Variants in BAZ2B observed in about 807,000 individuals in gnomAD.
The protein encoded by BAZ2B is bromodomain adjacent to zinc finger domain protein 2B.
BAZ2B carries 91 observed loss-of-function variants against 246.0 expected under a neutral mutation model. The ratio of observed to expected loss-of-function variants is 0.37; its 90% confidence interval spans 0.31 to 0.44. BAZ2B has a LOEUF of 0.44. BAZ2B is among the 20% of genes least tolerant of loss of function. The pLI is 1.00. For synonymous variants in BAZ2B, 855 were observed against 860.0 expected (o/e 0.99, Z 0.10); for missense variants, 2,332 against 2,533.7 (o/e 0.92, Z 1.71).
At chr2:159,470,691 G>C (rs753759868) in intron 3 of BAZ2B, among the ~76,000 whole-genome samples, 1 of 152,174 alleles carries the variant, frequency 6.6e-6, no homozygotes, top group Non-Finnish European at 1.5e-5. Context: ...ACAGACTTTA[G>C]ATGTGAGGGT....
Position 159,412,462 on chromosome 2 carries a change from A to T in BAZ2B, c.2550T>A (p.Asn850Lys). ...CCTCTCTTGCTCGTTGTCTATCTGG[A>T]TTTGGTGGTCTTCCTCTACGACCTT... is the stretch of plus-strand genomic sequence containing the variant. ...AMEGRRGRPP[N>K]PDRQRAREES... Residue 850 changes from asparagine to lysine, a missense_variant, in exon 14 of 37, where the codon AAT becomes AAA. This residue lies in a region of BAZ2B where 651 missense variants were observed against 650.9 expected (regional missense o/e 1.00). Transcript: ENST00000392783. 1 of 1,614,042 alleles carries T rather than the reference A, an allele frequency of 6.2e-7. No individual in the cohort carries two copies. Among genetic ancestry groups the T allele is most frequent in the East Asian group, 2.2e-5 (1 of 44,850 alleles).
chr2:159,421,333 C>G (rs973952909), intron 13 of BAZ2B, among the ~76,000 whole-genome samples: 3 of 152,088 alleles, frequency 2.0e-5, no homozygotes, highest in African/African-American at 7.2e-5. Flanking sequence ...CAGCACCATG[C>G]CCAGGTAATA....
intron 27 of BAZ2B, among the ~76,000 whole-genome samples, chr2:159,370,004 G>A (rs2060646522): frequency 6.6e-6 from 1 of 152,176 alleles, no homozygotes; most frequent in Non-Finnish European, 1.5e-5. Context: ...AAAAGGATGA[G>A]TTCATGTCCT....
At chr2:159,478,789 A>C in intron 2 of BAZ2B, 68 bp from the exon 3 acceptor site, 1 of 1,214,272 alleles carries the variant, frequency 8.2e-7, no homozygotes, top group Non-Finnish European at 1.1e-6. Context: ...TTCAACATAA[A>C]CTTTTTGTAT....
chr2:159,383,627 A>G lies in BAZ2B; in HGVS notation c.3740T>C (p.Val1247Ala). ...TTACTTGCGGAGTTTACCTTCTACC[A>G]CCCATTTATCTCTCCTCAAGTTTGA... ...YMSNLRRDKW[V>A]VEGKLRKLRI... Residue 1247 changes from valine (V) to alanine (A), a missense_variant, in exon 24 of 37, where the codon GTG becomes GCG. Coordinates refer to ENST00000392783, the MANE Select transcript of BAZ2B (RefSeq NM_013450.4). 1 of 1,611,692 alleles carries G rather than the reference A, an allele frequency of 6.2e-7. No homozygotes were observed. The highest frequency in any genetic ancestry group is 8.5e-7 in the Non-Finnish European group (1 of 1,178,676).
intron 1 of BAZ2B, among the ~76,000 whole-genome samples, chr2:159,591,517 A>G (rs1689388651): frequency 6.6e-6 from 1 of 152,370 alleles, no homozygotes; most frequent in South Asian, 2.1e-4. Flanking sequence ...TGAATGGCAT[A>G]TACAGTAATT....
chr2:159,579,286 A>G (rs1686133598), intron 1 of BAZ2B, among the ~76,000 whole-genome samples: 1 of 152,230 alleles, frequency 6.6e-6, no homozygotes, highest in Non-Finnish European at 1.5e-5. Context: ...ATCAGAGAAT[A>G]CTATAAACAC....
chr2:159,352,236 G>A (rs1257186130), intron 27 of BAZ2B, among the ~76,000 whole-genome samples: 1 of 152,082 alleles, frequency 6.6e-6, no homozygotes, highest in African/African-American at 2.4e-5. Context: ...CTCTGCATGG[G>A]ATACTGTTTT....
At chr2:159,603,592 T>C (rs143567676) in intron 1 of BAZ2B, among the ~76,000 whole-genome samples, 10 of 152,080 alleles carry the variant, frequency 6.6e-5, no homozygotes, top group African/African-American at 2.4e-4. Context: ...CCCCTGTATC[T>C]TCATTCACCC....
At chr2:159,596,945 A>G (rs1357803164) in intron 1 of BAZ2B, among the ~76,000 whole-genome samples, 1 of 152,140 alleles carries the variant, frequency 6.6e-6, no homozygotes, top group East Asian at 1.9e-4. Context: ...TGGTTGTTCT[A>G]CTTTTAGATC....
At chr2:159,599,931 T>C (rs1441438318) in intron 1 of BAZ2B, among the ~76,000 whole-genome samples, 13 of 60,688 alleles carry the variant, frequency 2.1e-4, no homozygotes, top group African/African-American at 3.5e-4. Flanking sequence ...GCGAGACTCC[T>C]TCTCAAAAAA....
At chr2:159,402,370 A>T (rs2065221941) in intron 16 of BAZ2B, among the ~76,000 whole-genome samples, 1 of 152,212 alleles carries the variant, frequency 6.6e-6, no homozygotes, top group African/African-American at 2.4e-5. Context: ...GAATTGCTGG[A>T]ACCCAGGAGG....
upstream of BAZ2B, among the ~76,000 whole-genome samples, chr2:159,620,104 C>G (rs949914243): frequency 3.9e-5 from 6 of 152,156 alleles, no homozygotes; most frequent in African/African-American, 1.4e-4. Flanking sequence ...ACGACAAAGA[C>G]AGAACTTCTT....
chr2:159,602,062 GTCTTCTGGAAGAAAAA>G (rs1354908859), intron 1 of BAZ2B, among the ~76,000 whole-genome samples: 1 of 152,122 alleles, frequency 6.6e-6, no homozygotes, highest in Non-Finnish European at 1.5e-5. Context: ...GAAAACTGGA[GTCTTCTGGAAGAAAAA>G]TAAGTTGGGA....
Position 159,571,366 on chromosome 2 carries a change from A to G in BAZ2B, c.-45-15501T>C, listed in dbSNP as rs1441469537. 2.0e-5 allele frequency among the ~76,000 whole-genome samples: 3 copies of G among 152,078 alleles called. No individual in the cohort carries two copies. The East Asian group carries it at 5.8e-4, about 29-fold the overall frequency. On this transcript the variant is annotated intron_variant, in intron 1 of 36. Coordinates refer to ENST00000392783, the MANE Select transcript of BAZ2B (RefSeq NM_013450.4). ...GTAGATATATTTTCTTCCCTATAAT[A>G]TATAGTAGATGCTGTGGTGTAGTAA... is the stretch of plus-strand genomic sequence containing the variant.
At position 159,325,837 on chromosome 2, in the gene BAZ2B, T is replaced by A. The variant is rs778547353; in HGVS notation, c.6025A>T (p.Thr2009Ser). Reference protein sequence around the residue: ...TNESKKGKKVTLTGDTEDEDS... With the variant: ...TNESKKGKKVSLTGDTEDEDS... ...TCATCTTCAGTATCTCCTGTTAAAG[T>A]TACCTTCTTGCCTTTCTTTGACTCA... Residue 2009 changes from threonine to serine, a missense_variant, in exon 35 of 37, where the codon ACT becomes TCT. This residue lies in a region of BAZ2B where 210 missense variants were observed against 232.5 expected (regional missense o/e 0.90). Coordinates refer to ENST00000392783, the MANE Select transcript of BAZ2B (RefSeq NM_013450.4). 1 of 1,609,436 alleles carries A rather than the reference T, an allele frequency of 6.2e-7. No individual in the cohort carries two copies. The highest frequency in any genetic ancestry group is 8.5e-7 in the Non-Finnish European group (1 of 1,178,824).
chr2:159,571,614 T>C (rs896566378), intron 1 of BAZ2B, among the ~76,000 whole-genome samples: 4 of 152,164 alleles, frequency 2.6e-5, no homozygotes, highest in East Asian at 1.9e-4. Flanking sequence ...CTGAGTTCAA[T>C]TGCTAATGGC....
chr2:159,536,690 T>A (rs2086037834), intron 2 of BAZ2B, among the ~76,000 whole-genome samples: 1 of 152,224 alleles, frequency 6.6e-6, no homozygotes, highest in Non-Finnish European at 1.5e-5. Flanking sequence ...TGCGTGTAAC[T>A]GCTCAAAGTT....
At chr2:159,624,123 T>A in the BAZ2B span, among the ~76,000 whole-genome samples, 4,165 of 152,314 alleles carry the variant, frequency 0.027, 105 homozygotes, top group Non-Finnish European at 0.042. Flanking sequence ...GCAAGGCCTC[T>A]GTGGCCAGAC....
Sources: allele counts gnomAD v4.1 joint callset (sites outside exome capture counted in the v4.1 genomes callset), GRCh38; gene constraint gnomAD v4.1.1; regional missense constraint gnomAD v4.1.1; transcripts MANE v1.5; gene names NCBI Gene and HGNC (gene_info 2026-07-23, HGNC 2026-07-21).